GRM8: variants seen among roughly 807,000 people sequenced by gnomAD.
The protein encoded by GRM8 is metabotropic glutamate receptor 8.
A neutral mutation model predicts 87.2 loss-of-function variants in GRM8; 47 were observed. The ratio of observed to expected loss-of-function variants is 0.54; its 90% CI spans 0.43 to 0.69. The LOEUF is 0.69. Among genes scored for constraint, GRM8 ranks in the 30% least tolerant of loss-of-function variants. The probability of loss-of-function intolerance (pLI) is 0.00; values close to 1 mark genes in which losing one functional copy is unlikely to be tolerated. For synonymous variants in GRM8, 396 were observed against 404.5 expected (o/e 0.98, Z 0.25); for missense variants, 1,019 against 1,139.2 (o/e 0.89, Z 1.52).
At chr7:126,566,867 C>T (rs1794262449) in intron 8 of GRM8, among the ~76,000 whole-genome samples, 1 of 152,040 alleles carries the variant, frequency 6.6e-6, no homozygotes, top group Non-Finnish European at 1.5e-5. Context: ...GGAAATTCCG[C>T]AATATGTGAC....
chr7:126,903,902 G>A, intron 5 of GRM8, 70 bp downstream of exon 5: 1 of 893,090 alleles, frequency 1.1e-6, no homozygotes, highest in South Asian at 1.7e-5. Context: ...CTCATATTAT[G>A]ATACTCCAGT....
chr7:126,837,865 T>G (rs994959871), intron 6 of GRM8, among the ~76,000 whole-genome samples: 1 of 152,232 alleles, frequency 6.6e-6, no homozygotes, highest in African/African-American at 2.4e-5. Context: ...GATGAACTAT[T>G]GAGCATCCAG....
At chr7:127,017,729 G>T (rs2132182921) in intron 3 of GRM8, among the ~76,000 whole-genome samples, 1 of 152,072 alleles carries the variant, frequency 6.6e-6, no homozygotes, top group South Asian at 2.1e-4. Flanking sequence ...TAAGAAAACT[G>T]GGATGGAAAT....
chr7:126,681,450 C>T (rs1051206550), intron 7 of GRM8, among the ~76,000 whole-genome samples: 1 of 152,232 alleles, frequency 6.6e-6, no homozygotes, highest in African/African-American at 2.4e-5. Flanking sequence ...TCCAAAGCTA[C>T]TGGCCACCTC....
At chr7:127,218,045 T>A (rs1189627879) in intron 2 of GRM8, among the ~76,000 whole-genome samples, 1 of 152,160 alleles carries the variant, frequency 6.6e-6, no homozygotes, top group African/African-American at 2.4e-5. Context: ...CTCTCATGAG[T>A]GGGGCCCAGA....
intron 7 of GRM8, among the ~76,000 whole-genome samples, chr7:126,755,175 C>T (rs1816865637): frequency 6.6e-6 from 1 of 151,944 alleles, no homozygotes; most frequent in Non-Finnish European, 1.5e-5. Flanking sequence ...TGTGCCTATG[C>T]ACATAGACTG....
intron 7 of GRM8, among the ~76,000 whole-genome samples, chr7:126,766,988 G>A (rs764441728): frequency 3.3e-5 from 5 of 152,172 alleles, no homozygotes; most frequent in Admixed American, 6.6e-5. Context: ...GATTGTATGT[G>A]TGCTTCATAG....
chr7:126,926,316 G>GCAA (rs1170072881), intron 3 of GRM8, among the ~76,000 whole-genome samples: 1 of 152,058 alleles, frequency 6.6e-6, no homozygotes, highest in Non-Finnish European at 1.5e-5. Flanking sequence ...TATCTTTGAT[G>GCAA]GAGACCTGAT....
chr7:127,171,824 A>G lies in GRM8; in HGVS notation c.511-65112T>C, dbSNP rs568605424. Among the ~76,000 whole-genome samples the G allele has an allele frequency of 2.6e-5, 4 of 152,306 alleles. No individual in the cohort carries two copies. In the South Asian group the frequency reaches 8.3e-4, roughly 32 times the overall value. ...GGTATGCCTGTATATATTATAATCT[A>G]CAAGTAAGCTAATTCAGAGAAATCC... is the stretch of plus-strand genomic sequence containing the variant. On this transcript the variant is annotated intron_variant, in intron 2 of 10. Transcript: ENST00000339582.
chr7:126,900,586 T>G (rs1203291840), intron 6 of GRM8, among the ~76,000 whole-genome samples: 5 of 152,146 alleles, frequency 3.3e-5, no homozygotes, highest in Non-Finnish European at 5.9e-5. Context: ...CTCAGCTCAC[T>G]GCAACCTCCA....
At chr7:127,165,521 T>C (rs529938730) in intron 2 of GRM8, among the ~76,000 whole-genome samples, 4 of 152,108 alleles carry the variant, frequency 2.6e-5, no homozygotes, top group African/African-American at 9.6e-5. Context: ...ACCTGCCTTT[T>C]CCTTTCATTT....
chr7:126,924,538 C>T (rs1051978702), intron 3 of GRM8, among the ~76,000 whole-genome samples: 1 of 152,220 alleles, frequency 6.6e-6, no homozygotes, highest in African/African-American at 2.4e-5. Flanking sequence ...CTCATATCCA[C>T]AATCCTCACA....
Position 126,683,484 on chromosome 7 carries a change from T to C in GRM8, c.1358-73986A>G, listed in dbSNP as rs545293270. On this transcript the variant is annotated intron_variant, in intron 7 of 10. Transcript: ENST00000339582. The stretch of plus-strand genomic sequence containing the variant: ...TGATCACATTCTTCAACTCACAACA[T>C]AAAGTGCAAAAGTATTTCAGACCTA... Among the ~76,000 whole-genome samples the C allele has an allele frequency of 3.7e-4, 56 of 152,334 alleles. 1 individual carries two copies. The South Asian group carries it at 0.011, about 30-fold the overall frequency.
intron 7 of GRM8, among the ~76,000 whole-genome samples, chr7:126,682,471 G>C (rs1019990333): frequency 2.0e-5 from 3 of 152,194 alleles, no homozygotes; most frequent in African/African-American, 7.2e-5. Flanking sequence ...TAAGTTCCTT[G>C]GCAAAGGTTA....
rs1305115149 is a variant in GRM8 at position 127,243,136 on chromosome 7, C to A, written c.69G>T (p.Trp23Cys). The A allele has an allele frequency of 6.2e-7, 1 of 1,613,770 alleles. No individual in the cohort carries two copies. The highest frequency in any genetic ancestry group is 1.3e-5 in the African/African-American group (1 of 75,018). ...CFFLLTAKFY[W>C]ILTMMQRTHS... ...GAGTTCTTTGCATCATTGTGAGGAT[C>A]CAGTAGAACTTGGCGGTCAAGAGGA... The change falls in exon 2 of 11, where the codon TGG becomes TGT. Residue 23 changes from tryptophan to cysteine, a missense_variant. Trp to Cys is a radical substitution (Grantham distance 215, BLOSUM62 -2). Coordinates refer to ENST00000339582, the MANE Select transcript of GRM8 (RefSeq NM_000845.3).
At chr7:126,756,225 A>G (rs1169222809) in intron 7 of GRM8, among the ~76,000 whole-genome samples, 1 of 152,066 alleles carries the variant, frequency 6.6e-6, no homozygotes, top group Non-Finnish European at 1.5e-5. Flanking sequence ...ATATAAATAA[A>G]TCTAGGCACA....
chr7:127,006,743 A>G (rs1814350843), intron 3 of GRM8, among the ~76,000 whole-genome samples: 1 of 151,922 alleles, frequency 6.6e-6, no homozygotes, highest in Non-Finnish European at 1.5e-5. Flanking sequence ...AATATTCTCC[A>G]GAGTTCAGTC....
intron 7 of GRM8, among the ~76,000 whole-genome samples, chr7:126,661,573 A>C (rs979377629): frequency 6.6e-6 from 1 of 152,154 alleles, no homozygotes; most frequent in African/African-American, 2.4e-5. Flanking sequence ...TTCATTGGTG[A>C]TCATGAGGAG....
intron 8 of GRM8, among the ~76,000 whole-genome samples, chr7:126,565,359 A>G (rs1252869639): frequency 1.3e-5 from 2 of 152,208 alleles, no homozygotes; most frequent in South Asian, 2.1e-4. Flanking sequence ...ATAGAGTTAA[A>G]TGATACAAAA....
Sources: allele counts gnomAD v4.1 joint callset (sites outside exome capture counted in the v4.1 genomes callset), GRCh38; gene constraint gnomAD v4.1.1; transcripts MANE v1.5; gene names NCBI Gene and HGNC (gene_info 2026-07-23, HGNC 2026-07-21).